Variants in TJP2 observed in about 807,000 individuals in gnomAD.
The protein encoded by TJP2 is Friedreich ataxia region gene X104 (tight junction protein ZO-2).
In TJP2, 91 loss-of-function variants were observed where a neutral mutation model predicts 133.1. That is an observed-to-expected ratio of 0.68 (90% CI 0.58 to 0.81). The LOEUF is 0.81. Ranked by LOEUF, TJP2 falls within the 40% of genes least tolerant of loss-of-function variation. The pLI, the probability that TJP2 is intolerant of heterozygous loss-of-function variation, is 0.00. For synonymous variants in TJP2, 592 were observed against 583.4 expected (o/e 1.01, Z -0.21); for missense variants, 1,541 against 1,565.6 (o/e 0.98, Z 0.26).
intron 2 of TJP2, 129 bp downstream of exon 2, chr9:69,212,730 T>C: frequency 2.8e-6 from 2 of 711,838 alleles, no homozygotes; most frequent in Non-Finnish European, 5.0e-6. Context: ...GTATTATAGA[T>C]ACTAACTGGC....
chr9:69,137,826 GGTA>G (rs1187961174), intron 1 of TJP2, among the ~76,000 whole-genome samples: 2 of 152,082 alleles, frequency 1.3e-5, no homozygotes, highest in African/African-American at 2.4e-5. Context: ...TACTTTGACA[GGTA>G]ATATCTCAGC....
At chr9:69,248,757 T>TTAGA in intron 19 of TJP2, 1 of 995,264 alleles carries the variant, frequency 1.0e-6, no homozygotes, top group Non-Finnish European at 1.2e-6. Context: ...TCCACTGTGA[T>TTAGA]TAGATAGCTT....
chr9:69,181,236 ATTTCT>A (rs1825476049), intron 1 of TJP2, among the ~76,000 whole-genome samples: 1 of 122,208 alleles, frequency 8.2e-6, no homozygotes, highest in South Asian at 2.5e-4. Context: ...CTAGTTTGCA[ATTTCT>A]TTTTTTTTTT....
rs373458664 is a variant in TJP2, at chr9:69,184,124, T to C, written c.60+9692T>C. Among the ~76,000 whole-genome samples the C allele has an allele frequency of 1.6e-4, 24 of 152,310 alleles. No homozygotes were observed. In the East Asian group the frequency reaches 4.2e-3, roughly 27 times the overall value. On this transcript the variant is annotated intron_variant, in intron 1 of 22. Transcript: ENST00000377245. Reference sequence around the variant, plus strand: ...CTTGACTTTGAGCAATTTACCTTTTTCTCATGTTCAGTTTTCTCAGTTGTA... The same window carrying C: ...CTTGACTTTGAGCAATTTACCTTTTCCTCATGTTCAGTTTTCTCAGTTGTA...
chr9:69,156,523 A>ATTTTTT (rs71354318), intron 2 of TJP2, among the ~76,000 whole-genome samples: 1 of 81,146 alleles, frequency 1.2e-5, no homozygotes, highest in African/African-American at 5.4e-5. Context: ...TACATGTAAG[A>ATTTTTT]TTTTTTTTTT....
intron 1 of TJP2, among the ~76,000 whole-genome samples, chr9:69,191,544 G>A (rs1439574669): frequency 6.6e-6 from 1 of 152,174 alleles, no homozygotes; most frequent in Non-Finnish European, 1.5e-5. Context: ...GGTTCAGAAA[G>A]GCTTTGAGCG....
intron 19 of TJP2, chr9:69,248,442 C>A: frequency 7.1e-7 from 1 of 1,415,742 alleles, no homozygotes. Flanking sequence ...GAGGGGTCAG[C>A]ACTCCGCACA....
intron 2 of TJP2, among the ~76,000 whole-genome samples, chr9:69,163,916 G>C (rs372525484): frequency 3.5e-4 from 54 of 152,202 alleles, no homozygotes; most frequent in African/African-American, 1.1e-3. Flanking sequence ...AATCACCTGG[G>C]GGGGCATGTG....
At chr9:69,212,893 T>C (rs1828030584) in intron 2 of TJP2, among the ~76,000 whole-genome samples, 1 of 55,402 alleles carries the variant, frequency 1.8e-5, no homozygotes, top group African/African-American at 4.3e-5. Context: ...AGAATGAAAA[T>C]GACCTGTACT....
chr9:69,241,730 C>G (rs1333289603), intron 17 of TJP2, among the ~76,000 whole-genome samples: 1 of 152,116 alleles, frequency 6.6e-6, no homozygotes, highest in Non-Finnish European at 1.5e-5. Context: ...AGTGGTACAG[C>G]CTTCCATGTG....
intron 1 of TJP2, among the ~76,000 whole-genome samples, chr9:69,123,448 C>G (rs554993156): frequency 1.3e-5 from 1 of 77,114 alleles, no homozygotes; most frequent in South Asian, 3.6e-4. Context: ...TCTCCTTTCC[C>G]CAGCCTCTGG....
rs1350020583 is a variant in TJP2 at position 69,125,416 on chromosome 9, C to T, written c.-131+3691C>T. ...CTGCCTCCTGGGTTCAAGCAATTCTCGTGCCTGAGCCTCCCAAGCAGCTGG... is the reference window on the plus strand; with the variant it reads ...CTGCCTCCTGGGTTCAAGCAATTCTTGTGCCTGAGCCTCCCAAGCAGCTGG... On this transcript the variant is annotated intron_variant, in intron 1 of 5. Transcript: ENST00000423935. Among the ~76,000 whole-genome samples the T allele has an allele frequency of 1.3e-4, 9 of 68,718 alleles. 3 individuals carry two copies. The highest frequency in any genetic ancestry group is 8.7e-4 in the South Asian group (2 of 2,306). The allele number at this position is 68,718 out of a possible 152,430, so 45.1% of individuals were successfully genotyped here. A position where few individuals can be genotyped will look rare whatever the true frequency, so the allele number is the denominator to read the frequency against.
intron 1 of TJP2, among the ~76,000 whole-genome samples, chr9:69,193,378 A>G (rs1031580458): frequency 2.0e-5 from 3 of 151,874 alleles, no homozygotes; most frequent in Admixed American, 6.6e-5. Context: ...ATGATTTCCT[A>G]TAGCTACAAA....
rs1588154371 is a variant in TJP2, at chr9:69,248,107, C to T, written c.2763C>T (p.Asp921=). The part of the protein sequence containing the change: ...YLSCDSRLIS[D]FEDTDGEGGA... ...GTTGCGACAGCCGCCTCATCAGTGA[C>T]TTTGAAGACACGGACGGTGAAGGAG... The change falls in exon 19 of 23, where the codon GAC becomes GAT. Residue 921 remains aspartate, a synonymous_variant. Coordinates refer to ENST00000377245, the MANE Select transcript of TJP2 (RefSeq NM_004817.4). 1.4e-5 allele frequency: 22 copies of T among 1,614,232 alleles called. No homozygotes were observed. Among genetic ancestry groups the T allele is most frequent in the Non-Finnish European group, 1.8e-5 (21 of 1,180,052 alleles).
At position 69,228,096 on chromosome 9, in the gene TJP2, T is replaced by C; in HGVS notation, c.1435T>C (p.Tyr479His). The change falls in exon 9 of 23, where the codon TAC becomes CAC. Residue 479 changes from tyrosine (Y) to histidine (H), a missense_variant. Tyr to His is a moderately conservative substitution (Grantham distance 83). Transcript: ENST00000377245. ...VVPETNKEPR[Y>H]QEDPPAPQPK... The stretch of plus-strand genomic sequence containing the variant: ...CCCAGAGACCAACAAGGAACCCAGA[T>C]ACCAAGAGGACCCCCCAGGTGAGCC... The C allele has an allele frequency of 6.2e-7, 1 of 1,611,274 alleles. No homozygotes were observed. The highest frequency in any genetic ancestry group is 2.2e-5 in the East Asian group (1 of 44,824).
At chr9:69,216,890 C>T (rs1014926662) in intron 3 of TJP2, among the ~76,000 whole-genome samples, 1 of 152,042 alleles carries the variant, frequency 6.6e-6, no homozygotes, top group Non-Finnish European at 1.5e-5. Flanking sequence ...GAAGTTGGGA[C>T]AATTTACTAT....
Position 69,237,008 on chromosome 9 carries a change from A to T in TJP2, c.2051A>T (p.Asp684Val). 6.2e-7 allele frequency: 1 copy of T among 1,614,208 alleles called. No individual in the cohort carries two copies. The highest frequency in any genetic ancestry group is 8.5e-7 in the Non-Finnish European group (1 of 1,180,028). Residue 684 changes from aspartate to valine, a missense_variant, in exon 14 of 23, where the codon GAT (aspartate) becomes GTT (valine). Transcript: ENST00000377245. ...AQRDNAGDRA[D>V]FWRMRGQRSG... ...AGAGACAACGCTGGGGACCGGGCAG[A>T]TTTCTGGAGAATGCGTGGCCAGAGG... is the stretch of plus-strand genomic sequence containing the variant.
chr9:69,137,535 G>T (rs1822832101), intron 1 of TJP2, among the ~76,000 whole-genome samples: 1 of 151,288 alleles, frequency 6.6e-6, no homozygotes, highest in South Asian at 2.1e-4. Flanking sequence ...GCCAATTTTT[G>T]TATTTTTTTG....
chr9:69,199,577 A>G (rs1166560405), intron 1 of TJP2, among the ~76,000 whole-genome samples: 1 of 152,152 alleles, frequency 6.6e-6, no homozygotes, highest in Non-Finnish European at 1.5e-5. Flanking sequence ...CACCAGAGGG[A>G]AACATCATGC....
Sources: allele counts gnomAD v4.1 joint callset (sites outside exome capture counted in the v4.1 genomes callset), GRCh38; gene constraint gnomAD v4.1.1; transcripts MANE v1.5; gene names NCBI Gene and HGNC (gene_info 2026-07-23, HGNC 2026-07-21).